The following SCARB2 variants were observed in gnomAD, a reference collection of about 807,000 sequenced individuals.
The protein encoded by SCARB2 is lysosome membrane protein 2.
In SCARB2, 29 loss-of-function variants were observed where a neutral mutation model predicts 58.6. The ratio of observed to expected loss-of-function variants is 0.49; its 90% CI spans 0.37 to 0.67. SCARB2 has a LOEUF of 0.67. Ranked by LOEUF, SCARB2 falls within the 30% of genes least tolerant of loss-of-function variation. The pLI, the probability that SCARB2 is intolerant of heterozygous loss-of-function variation, is 0.00. For synonymous variants in SCARB2, 195 were observed against 210.1 expected, an observed-to-expected ratio of 0.93 and a Z score of 0.62; for missense variants, 488 against 578.5, an observed-to-expected ratio of 0.84 and a Z score of 1.60.
chr4:76,233,570 C>T (rs1476788324), intron 1 of SCARB2, among the ~76,000 whole-genome samples: 1 of 87,924 alleles, frequency 1.1e-5, no homozygotes, highest in Non-Finnish European at 2.3e-5. Context: ...TTTTTACAGA[C>T]ATCACACACA....
chr4:76,186,775 A>G (rs1732496304), intron 2 of SCARB2, among the ~76,000 whole-genome samples: 1 of 152,182 alleles, frequency 6.6e-6, no homozygotes, highest in Non-Finnish European at 1.5e-5. Flanking sequence ...TGTGCATGAT[A>G]AGATGGTGTG....
chr4:76,231,120 A>G (rs560099780), intron 1 of SCARB2, among the ~76,000 whole-genome samples: 15 of 152,278 alleles, frequency 9.9e-5, no homozygotes, highest in Admixed American at 4.6e-4. Context: ...TCCTCCTCCA[A>G]TAAGGGAGAG....
chr4:76,173,034 G>C (rs1732165087), intron 7 of SCARB2: 1 of 152,056 alleles, frequency 6.6e-6, no homozygotes, highest in Non-Finnish European at 1.5e-5. Flanking sequence ...CTGAGCCCTA[G>C]TTTCCCCAAT....
chr4:76,213,547 G>A lies in SCARB2; in HGVS notation c.-4C>T. On this transcript the variant is annotated 5_prime_UTR_variant, in exon 1 of 12. Coordinates refer to ENST00000264896, the MANE Select transcript of SCARB2 (RefSeq NM_005506.4). ...TGTAGAAGCAGCATCGGCCCATTCT[G>A]TGCGCCGCTCACGGGCCGGGCCGGG... 8.1e-6 allele frequency: 13 copies of A among 1,604,922 alleles called. No homozygotes were observed. In the South Asian group the frequency reaches 1.3e-4, roughly 16 times the overall value.
At position 76,169,985 on chromosome 4, in the gene SCARB2, C is replaced by T; in HGVS notation, c.995G>A (p.Gly332Asp). ...TGGGAAAGACATAATGATGGGTGCA[C>T]CTGCATTTGAAGGAAAACAGAAATG... ...GVLNVSICKN[G>D]APIIMSFPHF... is the part of the protein sequence containing the mutation. The change falls in exon 8 of 12, where the codon GGT becomes GAT. Residue 332 changes from glycine to aspartate, a missense_variant and splice_region_variant. By Grantham distance (94) the Gly-to-Asp change is moderately conservative. Coordinates refer to ENST00000264896, the MANE Select transcript of SCARB2 (RefSeq NM_005506.4). The T allele has an allele frequency of 1.9e-6, 3 of 1,609,864 alleles. No homozygotes were observed. Among genetic ancestry groups the T allele is most frequent in the Non-Finnish European group, 2.6e-6 (3 of 1,176,416 alleles).
At chr4:76,175,138 T>C (rs1732226018) in intron 6 of SCARB2, 1 of 152,612 alleles carries the variant, frequency 6.6e-6, no homozygotes, top group East Asian at 1.9e-4. Flanking sequence ...TAATGAAAAA[T>C]TTTAGGCACC....
At chr4:76,229,087 A>G (rs1160361608) in intron 1 of SCARB2, among the ~76,000 whole-genome samples, 2 of 152,026 alleles carry the variant, frequency 1.3e-5, no homozygotes, top group African/African-American at 4.8e-5. Context: ...CCTTGTTTTC[A>G]AGCTCTGAAA....
At chr4:76,180,137 C>T (rs1578723592) in intron 3 of SCARB2, 1 of 231,176 alleles carries the variant, frequency 4.3e-6, no homozygotes, top group East Asian at 1.0e-4. Context: ...TGTCCAGCTG[C>T]ATATGGAGCG....
intron 5 of SCARB2, 151 bp downstream of exon 5, chr4:76,176,286 G>T: frequency 1.6e-6 from 1 of 628,888 alleles, no homozygotes; most frequent in Non-Finnish European, 2.8e-6. Flanking sequence ...CCACCATCTT[G>T]ATTTGTAGAA....
intron 10 of SCARB2, chr4:76,165,910 C>G: frequency 4.9e-6 from 2 of 404,712 alleles, no homozygotes; most frequent in Non-Finnish European, 4.6e-6. Flanking sequence ...AAAGGGCTAG[C>G]TGGCATCTAT....
chr4:76,203,374 A>C (rs962837877), intron 1 of SCARB2, among the ~76,000 whole-genome samples: 7 of 152,212 alleles, frequency 4.6e-5, no homozygotes, highest in Non-Finnish European at 8.8e-5. Context: ...AAATATCAAC[A>C]AGTTGCTCCA....
intron 2 of SCARB2, among the ~76,000 whole-genome samples, chr4:76,188,427 T>G (rs3853188): frequency 0.11 from 16,135 of 152,222 alleles, 1,049 homozygotes; most frequent in East Asian, 0.21. Flanking sequence ...ACATTACTAT[T>G]CTGAACTCCC....
intron 2 of SCARB2, among the ~76,000 whole-genome samples, chr4:76,190,269 C>G (rs1304951149): frequency 1.3e-5 from 2 of 152,110 alleles, no homozygotes; most frequent in Admixed American, 6.5e-5. Context: ...CTCAACCCCC[C>G]AAAATGCTGG....
At chr4:76,163,964 G>T in intron 10 of SCARB2, 1 of 158,246 alleles carries the variant, frequency 6.3e-6, no homozygotes, top group Non-Finnish European at 1.4e-5. Context: ...TGCAAAAATG[G>T]TATGTGGAAA....
chr4:76,161,778 T>C (rs1295991978), intron 11 of SCARB2, 27 bp from the exon 12 acceptor site: 4 of 1,613,528 alleles, frequency 2.5e-6, no homozygotes, highest in Middle Eastern at 3.3e-4. Context: ...AGAAAACAAG[T>C]TAGATGTTCA....
At chr4:76,208,958 TC>T (rs1732985410) in intron 1 of SCARB2, among the ~76,000 whole-genome samples, 1 of 152,216 alleles carries the variant, frequency 6.6e-6, no homozygotes, top group African/African-American at 2.4e-5. Flanking sequence ...GTAGGACTAT[TC>T]CAGGCAAATG....
Position 76,213,643 on chromosome 4 carries a change from T to C in SCARB2, c.-100A>G. ...AGAGGCGTCGAAGACCCGGGACCCT[T>C]CGGCGCCACGCCCACGCCCTCCCGG... is the stretch of plus-strand genomic sequence containing the variant. On this transcript the variant is annotated 5_prime_UTR_variant, in exon 1 of 12. Coordinates refer to ENST00000264896, the MANE Select transcript of SCARB2 (RefSeq NM_005506.4). 1 of 908,406 alleles carries C rather than the reference T, an allele frequency of 1.1e-6. No individual in the cohort carries two copies. Among genetic ancestry groups the C allele is most frequent in the South Asian group, 1.4e-5 (1 of 70,186 alleles). The allele number at this position is 908,406 out of a possible 1,614,324, so 56.3% of individuals were successfully genotyped here.
chr4:76,169,287 G>C (rs56891967), intron 8 of SCARB2, among the ~76,000 whole-genome samples: 3 of 148,408 alleles, frequency 2.0e-5, no homozygotes, highest in Non-Finnish European at 4.4e-5. Flanking sequence ...TGTTTTTCTC[G>C]TCTATGAATA....
chr4:76,169,317 T>TACACACACACAC (rs1553947566), intron 8 of SCARB2, among the ~76,000 whole-genome samples: 6 of 127,452 alleles, frequency 4.7e-5, no homozygotes, highest in African/African-American at 2.1e-4. Context: ...ATGTGTATTA[T>TACACACACACAC]ACACACACAC....
Sources: gnomAD v4.1 joint callset for allele counts (sites outside exome capture counted in the v4.1 genomes callset) on GRCh38, gnomAD v4.1.1 for gene constraint, MANE v1.5 for transcripts, NCBI Gene and HGNC (gene_info 2026-07-23, HGNC 2026-07-21) for gene names.